Variants in OSBPL9 observed in about 807,000 individuals in gnomAD.
OSBPL9 encodes the protein oxysterol binding protein like 9, also known as oxysterol-binding protein-related protein 9.
In OSBPL9, 40 loss-of-function variants were observed where a neutral mutation model predicts 106.6. The observed-to-expected ratio is 0.38, with a 90% CI of 0.29 to 0.49. OSBPL9 has a LOEUF of 0.49. OSBPL9 is among the 20% of genes least tolerant of loss of function. OSBPL9 has a pLI of 0.97. For synonymous variants in OSBPL9, 269 were observed against 295.4 expected, an observed-to-expected ratio of 0.91 and a Z score of 0.92; for missense variants, 609 against 887.2, an observed-to-expected ratio of 0.69 and a Z score of 3.98.
the OSBPL9 span, among the ~76,000 whole-genome samples, chr1:51,546,415 T>C: frequency 1.3e-5 from 2 of 151,788 alleles, no homozygotes; most frequent in African/African-American, 2.4e-5. Flanking sequence ...AAAGACAACA[T>C]GGCTGGGCGC....
At chr1:51,642,751 G>A (rs1393933981) in intron 1 of OSBPL9, among the ~76,000 whole-genome samples, 1 of 152,154 alleles carries the variant, frequency 6.6e-6, no homozygotes, top group African/African-American at 2.4e-5. Flanking sequence ...TAGCACCTTG[G>A]AAGCTTGGCC....
At chr1:51,740,177 G>T (rs1380314234) in intron 4 of OSBPL9, 1 of 1,544,730 alleles carries the variant, frequency 6.5e-7, no homozygotes, top group Non-Finnish European at 8.7e-7. Context: ...CAGTCTTCTG[G>T]TATCTCTCCA....
At chr1:51,744,735 G>A (rs1667611973) in intron 4 of OSBPL9, among the ~76,000 whole-genome samples, 2 of 152,194 alleles carry the variant, frequency 1.3e-5, no homozygotes, top group Admixed American at 1.3e-4. Context: ...GACTGGGCAT[G>A]AAAATGTGGC....
At chr1:51,676,827 C>T (rs1473711680) in intron 3 of OSBPL9, among the ~76,000 whole-genome samples, 2 of 152,108 alleles carry the variant, frequency 1.3e-5, no homozygotes, top group Non-Finnish European at 2.9e-5. Context: ...CCCAATTGGG[C>T]ATTGTTAATG....
Position 51,788,097 on chromosome 1 carries a change from C to T in OSBPL9, c.*308C>T, listed in dbSNP as rs1230711851. 2.0e-5 allele frequency: 7 copies of T among 350,968 alleles called. No homozygotes were observed. The highest frequency in any genetic ancestry group is 3.2e-5 in the Non-Finnish European group (6 of 188,528). 21.7% of individuals were successfully genotyped at this position (350,968 alleles called of 1,614,324 possible). A position where few individuals can be genotyped will look rare whatever the true frequency, so the allele number is the denominator to read the frequency against. ...TTATAAATCCAAGTCTGAAACTCTG[C>T]GCTCTAGTACTGCTGTTAAGATACA... is the stretch of plus-strand genomic sequence containing the variant. On this transcript the variant is annotated 3_prime_UTR_variant, in exon 24 of 24. Transcript: ENST00000428468.
intron 3 of OSBPL9, among the ~76,000 whole-genome samples, chr1:51,710,296 C>T (rs1476154571): frequency 6.6e-6 from 1 of 152,152 alleles, no homozygotes; most frequent in Non-Finnish European, 1.5e-5. Flanking sequence ...TACTTAAGCA[C>T]TAGCTCTTCT....
chr1:51,718,909 A>G (rs992104497), intron 4 of OSBPL9, among the ~76,000 whole-genome samples: 1 of 152,210 alleles, frequency 6.6e-6, no homozygotes, highest in Non-Finnish European at 1.5e-5. Flanking sequence ...TTAACACTAC[A>G]TACATTACCT....
upstream of OSBPL9, chr1:51,616,954 TAAGA>T: frequency 7.0e-7 from 1 of 1,426,436 alleles, no homozygotes. Flanking sequence ...ATAGGCGCCC[TAAGA>T]AAGCGTGTTT....
intron 3 of OSBPL9, among the ~76,000 whole-genome samples, chr1:51,703,299 G>T (rs1189924807): frequency 2.6e-5 from 4 of 152,090 alleles, no homozygotes; most frequent in Non-Finnish European, 5.9e-5. Context: ...CCATTTCTTT[G>T]TATCCTCTTT....
intron 6 of OSBPL9, 37 bp downstream of exon 6, chr1:51,746,794 T>C (rs781409541): frequency 6.5e-7 from 1 of 1,529,638 alleles, no homozygotes; most frequent in Non-Finnish European, 9.0e-7. Flanking sequence ...GTTAAAAATT[T>C]TAAATTCAGC....
the OSBPL9 span, among the ~76,000 whole-genome samples, chr1:51,527,425 C>T: frequency 2.6e-5 from 4 of 152,040 alleles, no homozygotes; most frequent in Non-Finnish European, 4.4e-5. Context: ...TACAGGGACT[C>T]ACCCTGTTGC....
At chr1:51,538,513 T>A in the OSBPL9 span, 2 of 152,114 alleles carry the variant, frequency 1.3e-5, no homozygotes, top group Non-Finnish European at 2.9e-5. Flanking sequence ...ATAGTTTGGT[T>A]CACTTGTTTC....
Position 51,729,653 on chromosome 1 carries a change from C to G in OSBPL9, c.318+15574C>G, listed in dbSNP as rs1424335840. On this transcript the variant is annotated intron_variant, in intron 4 of 23. Transcript: ENST00000428468. The surrounding 1 kb of genome is among the most constrained non-coding windows in gnomAD (Gnocchi z 5.1). ...CCCGCGAGCTGCCAGCTCCCTCGGCCTCTCCACCCAAAACTGGCCCAACCG... is the reference window on the plus strand; with the variant it reads ...CCCGCGAGCTGCCAGCTCCCTCGGCGTCTCCACCCAAAACTGGCCCAACCG... 8.8e-6 allele frequency: 3 copies of G among 339,422 alleles called. No individual in the cohort carries two copies. Among genetic ancestry groups the G allele is most frequent in the Non-Finnish European group, 1.5e-5 (3 of 204,616 alleles). 21.0% of individuals were successfully genotyped at this position (339,422 alleles called of 1,614,324 possible).
intron 1 of OSBPL9, among the ~76,000 whole-genome samples, chr1:51,647,641 C>A (rs1244200390): frequency 6.6e-6 from 1 of 151,944 alleles, no homozygotes; most frequent in Admixed American, 6.6e-5. Context: ...TTATATCTTT[C>A]TTGGAATTTA....
chr1:51,607,186 CAG>C (rs1472339904), intron 2 of OSBPL9, among the ~76,000 whole-genome samples: 2 of 124,684 alleles, frequency 1.6e-5, no homozygotes, highest in African/African-American at 6.2e-5. Context: ...TTTTTTGAGA[CAG>C]AGTCATGCTC....
chr1:51,618,127 C>T (rs1644196211), intron 1 of OSBPL9, among the ~76,000 whole-genome samples: 1 of 152,020 alleles, frequency 6.6e-6, no homozygotes, highest in Admixed American at 6.5e-5. Flanking sequence ...AAGCGATTCT[C>T]CTGCCTCTGG....
At chr1:51,540,599 G>T in the OSBPL9 span, among the ~76,000 whole-genome samples, 7 of 146,032 alleles carry the variant, frequency 4.8e-5, no homozygotes, top group Non-Finnish European at 9.1e-5. Context: ...GGTTGCAGTG[G>T]GCCAAGATAG....
chr1:51,529,709 T>G, the OSBPL9 span, among the ~76,000 whole-genome samples: 8 of 151,622 alleles, frequency 5.3e-5, no homozygotes, highest in Non-Finnish European at 1.0e-4. Flanking sequence ...TTTCAACAGA[T>G]GGTACTGTTG....
intron 3 of OSBPL9, 139 bp from the exon 4 acceptor site, chr1:51,713,864 T>A (rs778179327): frequency 1.0e-5 from 6 of 602,018 alleles, no homozygotes; most frequent in Non-Finnish European, 5.7e-6. Context: ...TATTAATAGA[T>A]CAAGCTGAAC....
Sources: allele counts gnomAD v4.1 joint callset (sites outside exome capture counted in the v4.1 genomes callset), GRCh38; gene constraint gnomAD v4.1.1; non-coding constraint Gnocchi (gnomAD v3.1); transcripts MANE v1.5; gene names NCBI Gene and HGNC (gene_info 2026-07-23, HGNC 2026-07-21).